PCDHGB6: variants seen among roughly 807,000 people sequenced by gnomAD.
PCDHGB6 encodes the protein protocadherin gamma subfamily B, 6.
PCDHGB6 carries 51 observed loss-of-function variants against 59.1 expected under a neutral mutation model. The ratio of observed to expected loss-of-function variants is 0.86; its 90% CI spans 0.69 to 1.09. PCDHGB6 has a LOEUF of 1.09. Among genes scored for constraint, PCDHGB6 ranks in the 50% least tolerant of loss-of-function variants. PCDHGB6 has a pLI of 0.00. For missense variants in PCDHGB6, 1,148 were observed against 1,205.1 expected (o/e 0.95, Z 0.70); for synonymous variants, 466 against 495.1 (o/e 0.94, Z 0.78).
At chr5:141,498,222 T>A (rs1258826914) in intron 2 of PCDHGB6, among the ~76,000 whole-genome samples, 1 of 152,218 alleles carries the variant, frequency 6.6e-6, no homozygotes, top group East Asian at 1.9e-4. Flanking sequence ...GCATTCCAGA[T>A]GGTCAGGCAT....
intron 2 of PCDHGB6, among the ~76,000 whole-genome samples, 177 bp from the exon 3 acceptor site, chr5:141,505,216 T>C (rs547855353): frequency 1.1e-4 from 17 of 152,234 alleles, no homozygotes; most frequent in Non-Finnish European, 2.9e-5. Context: ...AGGGACTGAC[T>C]TGTGGGATTC....
intron 1 of PCDHGB6, chr5:141,415,739 G>GTTTTT (rs1561759437): frequency 2.3e-6 from 1 of 434,538 alleles, no homozygotes; most frequent in African/African-American, 3.3e-5. Flanking sequence ...TGTTTATTAA[G>GTTTTT]GTTTTTTTTT....
intron 1 of PCDHGB6, among the ~76,000 whole-genome samples, chr5:141,448,115 T>A (rs62379166): frequency 0.025 from 3,743 of 151,768 alleles, 65 homozygotes; most frequent in Middle Eastern, 0.086. Flanking sequence ...GAAAAGAAAA[T>A]TAGCCTCCCC....
chr5:141,512,275 A>G lies in PCDHGB6; in HGVS notation c.*1102A>G, dbSNP rs368275103. 1 of 152,730 alleles carries G rather than the reference A, an allele frequency of 6.5e-6. No individual in the cohort carries two copies. The highest frequency in any genetic ancestry group is 2.1e-4 in the South Asian group (1 of 4,824). The allele number at this position is 152,730 out of a possible 1,614,324, so 9.5% of individuals were successfully genotyped here. ...GGGTGCTGGGTACTCCAGAGGTGCC[A>G]CTGGTGGAAGGGTCAGCGGAGCCCC... On this transcript the variant is annotated 3_prime_UTR_variant, in exon 4 of 4. Transcript: ENST00000520790.
rs1163353349 is a variant in PCDHGB6, at chr5:141,489,426, G to C, written c.2419-5381G>C. 6.2e-7 allele frequency: 1 copy of C among 1,614,012 alleles called. No homozygotes were observed. The highest frequency in any genetic ancestry group is 1.3e-5 in the African/African-American group (1 of 74,922). ...TAAAGATGACAGATCTGTTGAGCCGGCGGCTGCAATTGGGCTCTGAGGAGA... is the reference window on the plus strand; with the variant it reads ...TAAAGATGACAGATCTGTTGAGCCGCCGGCTGCAATTGGGCTCTGAGGAGA... On this transcript the variant is annotated intron_variant, in intron 1 of 3. Transcript: ENST00000520790. The surrounding 1 kb of genome is among the most constrained non-coding windows in gnomAD (Gnocchi z 4.5).
intron 1 of PCDHGB6, chr5:141,413,581 A>T: frequency 1.9e-6 from 3 of 1,613,920 alleles, no homozygotes; most frequent in Non-Finnish European, 2.5e-6. Context: ...CAATGCTCCA[A>T]AATTCCAAGC....
rs1350353768 is a variant in PCDHGB6, at chr5:141,476,524, T to A, written c.2419-18283T>A. Reference sequence around the variant, plus strand: ...TCAACGACAACAATCCTGCTTTCCCTACCCAGGAAATGAAATTGGAGATTA... The same window carrying A: ...TCAACGACAACAATCCTGCTTTCCCAACCCAGGAAATGAAATTGGAGATTA... On this transcript the variant is annotated intron_variant, in intron 1 of 3. Coordinates refer to ENST00000520790, the MANE Select transcript of PCDHGB6 (RefSeq NM_018926.3). The surrounding 1 kb of genome is among the most constrained non-coding windows in gnomAD (Gnocchi z 7.6). The A allele has an allele frequency of 1.2e-5, 20 of 1,614,064 alleles. No homozygotes were observed. The highest frequency in any genetic ancestry group is 1.7e-5 in the Non-Finnish European group (20 of 1,180,036).
Position 141,432,097 on chromosome 5 carries a change from C to G in PCDHGB6, c.2418+21477C>G. ...TCTCGCTGAACGTGGCAGACACCAA[C>G]GACAACCCGCCGGTCTTCCCTCAGG... On this transcript the variant is annotated intron_variant, in intron 1 of 3. Transcript: ENST00000520790. This position sits in a 1 kb window ranked among gnomAD's most constrained non-coding sequence, Gnocchi z 6.0. The G allele has an allele frequency of 6.2e-7, 1 of 1,614,184 alleles. No homozygotes were observed.
chr5:141,455,577 C>T (rs1000865176), intron 1 of PCDHGB6, among the ~76,000 whole-genome samples: 3 of 152,120 alleles, frequency 2.0e-5, no homozygotes, highest in East Asian at 1.9e-4. Context: ...CCCACCCCAG[C>T]CTTTTAATAT....
chr5:141,485,106 T>C lies in PCDHGB6; in HGVS notation c.2419-9701T>C, dbSNP rs2099607051. The C allele has an allele frequency of 3.3e-6, 4 of 1,206,448 alleles. No homozygotes were observed. Among genetic ancestry groups the C allele is most frequent in the Non-Finnish European group, 4.8e-6 (4 of 828,284 alleles). 74.7% of individuals were successfully genotyped at this position (1,206,448 alleles called of 1,614,324 possible). ...GGGAGATAGGTGTCTCCAGCTGCTGTGGCTGTTTGGGGCGGGTCGGCTTCA... is the reference window on the plus strand; with the variant it reads ...GGGAGATAGGTGTCTCCAGCTGCTGCGGCTGTTTGGGGCGGGTCGGCTTCA... On this transcript the variant is annotated intron_variant, in intron 1 of 3. Coordinates refer to ENST00000520790, the MANE Select transcript of PCDHGB6 (RefSeq NM_018926.3). This position sits in a 1 kb window ranked among gnomAD's most constrained non-coding sequence, Gnocchi z 5.7.
At chr5:141,422,144 G>T in intron 1 of PCDHGB6, 1 of 1,583,520 alleles carries the variant, frequency 6.3e-7, no homozygotes, top group Non-Finnish European at 8.5e-7. Context: ...CAAGTACGGG[G>T]GTCTCTGGAT....
At chr5:141,430,883 G>T in intron 1 of PCDHGB6, 1 of 1,601,036 alleles carries the variant, frequency 6.2e-7, no homozygotes, top group Non-Finnish European at 8.5e-7. Context: ...GCTGGAGAAA[G>T]GCTCTAGGGT....
chr5:141,497,702 G>A (rs904199928), intron 2 of PCDHGB6, among the ~76,000 whole-genome samples: 16 of 152,054 alleles, frequency 1.1e-4, no homozygotes, highest in African/African-American at 3.9e-4. Context: ...ACCACACCCA[G>A]CTCATTTTTG....
At chr5:141,503,598 CAAAAAAAAAAAA>C (rs765754054) in intron 2 of PCDHGB6, among the ~76,000 whole-genome samples, 11 of 65,762 alleles carry the variant, frequency 1.7e-4, no homozygotes, top group Admixed American at 3.4e-4. Context: ...GACTCCAGCT[CAAAAAAAAAAAA>C]AAAAGAAAAA....
rs563876979 is a variant in PCDHGB6, at chr5:141,417,900, G to A, written c.2418+7280G>A. 5 of 1,583,452 alleles carry A rather than the reference G, an allele frequency of 3.2e-6. No individual in the cohort carries two copies. Among genetic ancestry groups the A allele is most frequent in the South Asian group, 2.3e-5 (2 of 88,062 alleles). On this transcript the variant is annotated intron_variant, in intron 1 of 3. Coordinates refer to ENST00000520790, the MANE Select transcript of PCDHGB6 (RefSeq NM_018926.3). ...GCGCAGAGGCGCCGGGCCGGCCCGC[G>A]GCAGGTACTATTTCCTTTGCTGCTG...
chr5:141,502,866 C>CTTTT (rs549047197), intron 2 of PCDHGB6, among the ~76,000 whole-genome samples: 3 of 128,028 alleles, frequency 2.3e-5, no homozygotes, highest in African/African-American at 6.2e-5. Flanking sequence ...GACTCTCTGT[C>CTTTT]TTTTTTTTTT....
chr5:141,427,998 C>T, intron 1 of PCDHGB6: 1 of 1,600,956 alleles, frequency 6.2e-7, no homozygotes, highest in Non-Finnish European at 8.6e-7. Flanking sequence ...TGGCTCCGCA[C>T]TCTTCGATAT....
intron 1 of PCDHGB6, among the ~76,000 whole-genome samples, chr5:141,463,380 A>G (rs994170903): frequency 2.0e-5 from 3 of 149,876 alleles, no homozygotes; most frequent in Admixed American, 6.7e-5. Context: ...ACAGTCTGAA[A>G]GTTGTCTCCA....
intron 1 of PCDHGB6, among the ~76,000 whole-genome samples, chr5:141,450,424 CTTTAA>C (rs2098679800): frequency 1.3e-5 from 2 of 152,146 alleles, no homozygotes; most frequent in East Asian, 3.9e-4. Context: ...TGTATAATGC[CTTTAA>C]TTTATATTTG....
Sources: allele counts gnomAD v4.1 joint callset (sites outside exome capture counted in the v4.1 genomes callset), GRCh38; gene constraint gnomAD v4.1.1; non-coding constraint Gnocchi (gnomAD v3.1); transcripts MANE v1.5; gene names NCBI Gene and HGNC (gene_info 2026-07-23, HGNC 2026-07-21).